Variants in DNM3 observed in about 807,000 individuals in gnomAD.
DNM3 encodes dynamin 3.
Under a neutral mutation model 101.6 loss-of-function variants are expected in DNM3, and 47 were observed. The observed-to-expected ratio is 0.46, with a 90% CI of 0.37 to 0.59. The LOEUF (loss-of-function observed/expected upper bound fraction) is 0.59. Ranked by LOEUF, DNM3 falls within the 20% of genes least tolerant of loss-of-function variation. The pLI, the probability that DNM3 is intolerant of heterozygous loss-of-function variation, is 0.00. For synonymous variants in DNM3, 385 were observed against 387.9 expected (o/e 0.99, Z 0.09); for missense variants, 849 against 1,085.7 (o/e 0.78, Z 3.06).
At chr1:172,081,044 G>C (rs865774549) in intron 11 of DNM3, among the ~76,000 whole-genome samples, 2 of 152,198 alleles carry the variant, frequency 1.3e-5, no homozygotes, top group Non-Finnish European at 2.9e-5. Context: ...CTCACTGGGA[G>C]CTGCATACTG....
chr1:172,309,426 C>A (rs1369115571), intron 16 of DNM3: 2 of 152,198 alleles, frequency 1.3e-5, no homozygotes, highest in African/African-American at 4.8e-5. Flanking sequence ...AATAAACAGA[C>A]CTTTTCTTTG....
chr1:171,890,136 T>C (rs372208172), intron 1 of DNM3, among the ~76,000 whole-genome samples: 6 of 152,320 alleles, frequency 3.9e-5, no homozygotes, highest in African/African-American at 1.4e-4. Flanking sequence ...GATGAATGAA[T>C]CAAACAATGA....
chr1:172,304,206 C>CA (rs575733774), intron 15 of DNM3, among the ~76,000 whole-genome samples: 3,630 of 36,288 alleles, frequency 0.1, 477 homozygotes, highest in Non-Finnish European at 0.13. Flanking sequence ...AAAAGGAAAG[C>CA]AAAAAAAAAA....
intron 14 of DNM3, among the ~76,000 whole-genome samples, chr1:172,251,704 T>C (rs1041039031): frequency 5.3e-5 from 8 of 152,122 alleles, no homozygotes; most frequent in Admixed American, 1.3e-4. Context: ...CCAAGGACAT[T>C]GTGTTCCATC....
chr1:171,867,358 T>C (rs1571322560), intron 1 of DNM3, among the ~76,000 whole-genome samples: 2 of 152,224 alleles, frequency 1.3e-5, no homozygotes, highest in Admixed American at 1.3e-4. Context: ...TCACTAAAAA[T>C]TTGTATTTTA....
intron 2 of DNM3, among the ~76,000 whole-genome samples, chr1:171,983,275 T>C (rs534541449): frequency 4.4e-4 from 67 of 151,900 alleles, no homozygotes; most frequent in South Asian, 1.9e-3. Flanking sequence ...GGCAACACAG[T>C]GAGACCTCAT....
chr1:172,240,094 A>G (rs2061694349), intron 14 of DNM3, among the ~76,000 whole-genome samples: 1 of 152,048 alleles, frequency 6.6e-6, no homozygotes. Flanking sequence ...AGGGCTCTTA[A>G]CTAAAGTACA....
intron 2 of DNM3, among the ~76,000 whole-genome samples, chr1:171,955,830 A>G (rs147543958): frequency 6.6e-4 from 100 of 152,304 alleles, no homozygotes; most frequent in African/African-American, 2.3e-3. Context: ...ATAGTTCCAC[A>G]TGGCTGGGGA....
chr1:172,347,411 G>A (rs1248971284), intron 17 of DNM3, among the ~76,000 whole-genome samples: 2 of 151,988 alleles, frequency 1.3e-5, no homozygotes, highest in Non-Finnish European at 2.9e-5. Flanking sequence ...GAGTTACTAG[G>A]TACAGAAATA....
chr1:171,965,379 C>CAA (rs113148882), intron 2 of DNM3, among the ~76,000 whole-genome samples: 2 of 111,114 alleles, frequency 1.8e-5, no homozygotes, highest in South Asian at 2.8e-4. Context: ...CCTGTGTCTA[C>CAA]AAAAAAAAAA....
chr1:172,066,746 T>G (rs900613262), intron 10 of DNM3, among the ~76,000 whole-genome samples: 10 of 152,344 alleles, frequency 6.6e-5, no homozygotes, highest in Middle Eastern at 6.8e-3. Flanking sequence ...CATTAGTTAT[T>G]ATTAAAACTG....
At chr1:172,043,443 G>A (rs891713214) in intron 8 of DNM3, among the ~76,000 whole-genome samples, 2 of 152,126 alleles carry the variant, frequency 1.3e-5, no homozygotes, top group African/African-American at 4.8e-5. Flanking sequence ...CGTGTGGGAG[G>A]CAAATGGGTA....
chr1:172,399,170 A>G (rs7546252), intron 20 of DNM3, among the ~76,000 whole-genome samples: 73,473 of 152,010 alleles, frequency 0.48, 20,503 homozygotes, highest in East Asian at 0.87. Context: ...GGGACATATT[A>G]TTCTTTACCC....
intron 13 of DNM3, among the ~76,000 whole-genome samples, chr1:172,125,029 T>C (rs995842527): frequency 2.5e-4 from 38 of 152,182 alleles, no homozygotes; most frequent in Admixed American, 1.9e-3. Context: ...GTGACTGGAC[T>C]GTCCATTGCC....
At chr1:172,093,985 T>A (rs2054086320) in intron 13 of DNM3, among the ~76,000 whole-genome samples, 1 of 152,194 alleles carries the variant, frequency 6.6e-6, no homozygotes, top group East Asian at 1.9e-4. Context: ...CTTAACACTG[T>A]GGGTGCTTTG....
intron 8 of DNM3, 129 bp downstream of exon 8, chr1:172,042,273 G>A: frequency 1.2e-6 from 1 of 854,726 alleles, no homozygotes; most frequent in Non-Finnish European, 1.6e-6. Flanking sequence ...TCCATATTCA[G>A]GTAATGAAAT....
At chr1:172,140,986 T>C (rs1440490457) in intron 14 of DNM3, among the ~76,000 whole-genome samples, 1 of 152,062 alleles carries the variant, frequency 6.6e-6, no homozygotes, top group Non-Finnish European at 1.5e-5. Context: ...TGTATTATTA[T>C]CATACCATGT....
chr1:172,285,098 A>G (rs964851983), intron 15 of DNM3, among the ~76,000 whole-genome samples: 2 of 152,214 alleles, frequency 1.3e-5, no homozygotes, highest in African/African-American at 2.4e-5. Flanking sequence ...CCTCAGGACC[A>G]TCACCAGCAC....
rs2071209007 is a variant in DNM3 at position 172,411,570 on chromosome 1, A to C, written c.*3729A>C. 1 of 984,816 alleles carries C rather than the reference A, an allele frequency of 1.0e-6. No homozygotes were observed. The highest frequency in any genetic ancestry group is 1.7e-5 in the African/African-American group (1 of 57,202). 61.0% of individuals were successfully genotyped at this position (984,816 alleles called of 1,614,324 possible). A position where few individuals can be genotyped will look rare whatever the true frequency, so the allele number is the denominator to read the frequency against. On this transcript the variant is annotated 3_prime_UTR_variant, in exon 21 of 21. Transcript: ENST00000627582. ...AAAAAAAAAGGACATAGCAACATTAAAGTAGTGGATTTTTCTGAGTAAATT... is the reference window on the plus strand; with the variant it reads ...AAAAAAAAAGGACATAGCAACATTACAGTAGTGGATTTTTCTGAGTAAATT...
Sources: gnomAD v4.1 joint callset for allele counts (sites outside exome capture counted in the v4.1 genomes callset) on GRCh38, gnomAD v4.1.1 for gene constraint, MANE v1.5 for transcripts, NCBI Gene and HGNC (gene_info 2026-07-23, HGNC 2026-07-21) for gene names.